Variants in KMT2C observed in about 807,000 individuals in gnomAD.
KMT2C encodes histone-lysine N-methyltransferase 2C.
KMT2C carries 88 observed loss-of-function variants against 507.9 expected under a neutral mutation model. That is an observed-to-expected ratio of 0.17 (90% CI 0.15 to 0.21). The LOEUF is 0.21. KMT2C is among the 10% of genes least tolerant of loss of function. The pLI, the probability that KMT2C is intolerant of heterozygous loss-of-function variation, is 1.00. For missense variants in KMT2C, 4,954 were observed against 5,957.8 expected, an observed-to-expected ratio of 0.83 and a Z score of 5.55; for synonymous variants, 2,049 against 2,080.8, an observed-to-expected ratio of 0.98 and a Z score of 0.42.
chr7:152,232,788 T>G (rs560293285), intron 16 of KMT2C, among the ~76,000 whole-genome samples: 54 of 152,260 alleles, frequency 3.5e-4, no homozygotes, highest in African/African-American at 1.2e-3. Context: ...AGAAATTAAG[T>G]GACTACTAAA....
intron 3 of KMT2C, among the ~76,000 whole-genome samples, chr7:152,317,913 G>A (rs1434441795): frequency 2.6e-5 from 4 of 152,106 alleles, no homozygotes; most frequent in African/African-American, 9.7e-5. Flanking sequence ...GGCCGAGACG[G>A]GCAGATCACA....
At chr7:152,227,323 A>G (rs1374131203) in intron 18 of KMT2C, among the ~76,000 whole-genome samples, 2 of 152,176 alleles carry the variant, frequency 1.3e-5, no homozygotes, top group African/African-American at 4.8e-5. Context: ...TTCAAATAAG[A>G]TGTCATCCAG....
rs1449723013 is a variant in KMT2C at position 152,297,279 on chromosome 7, C to T, written c.849+12687G>A. Among the ~76,000 whole-genome samples the T allele has an allele frequency of 2.0e-5, 3 of 152,136 alleles. 1 individual carries two copies. The highest frequency in any genetic ancestry group is 4.2e-4 in the South Asian group (2 of 4,816). ...GGCAACTGAGGCAAATCTCAGCTGA[C>T]TCCTGAGTTGGAAAGAGAAAGTTAA... On this transcript the variant is annotated intron_variant, in intron 6 of 58. Coordinates refer to ENST00000262189, the MANE Select transcript of KMT2C (RefSeq NM_170606.3).
chr7:152,367,792 T>C, intron 1 of KMT2C: 3 of 955,854 alleles, frequency 3.1e-6, no homozygotes, highest in South Asian at 2.6e-5. Context: ...GAATCACGAG[T>C]GAACAGACGT....
rs144253326 is a variant in KMT2C, at chr7:152,148,631, G to A, written c.13296C>T (p.Cys4432=). The part of the protein sequence containing the change: ...LDLDLWVHLN[C]ALWSTEVYET... ...CATAGACCTCCGTGGACCACAGAGCGCAGTTCAAGTGGACCCACAGATCCA... is the reference window on the plus strand; with the variant it reads ...CATAGACCTCCGTGGACCACAGAGCACAGTTCAAGTGGACCCACAGATCCA... Residue 4432 remains cysteine, a synonymous_variant, in exon 52 of 59, where the codon TGC becomes TGT. Transcript: ENST00000262189. The surrounding 1 kb of genome is among the most constrained non-coding windows in gnomAD (Gnocchi z 7.1). 8.4e-5 allele frequency: 136 copies of A among 1,614,040 alleles called. No homozygotes were observed. Among genetic ancestry groups the A allele is most frequent in the African/African-American group, 3.3e-4 (25 of 74,918 alleles).
At chr7:152,275,923 A>G (rs951755437) in intron 6 of KMT2C, among the ~76,000 whole-genome samples, 9 of 152,264 alleles carry the variant, frequency 5.9e-5, no homozygotes, top group African/African-American at 1.7e-4. Flanking sequence ...CAGATAAAAT[A>G]TAATGAGAGG....
chr7:152,297,051 A>AAGAG (rs1356233143), intron 6 of KMT2C, among the ~76,000 whole-genome samples: 16 of 60,272 alleles, frequency 2.7e-4, no homozygotes, highest in African/African-American at 4.1e-4. Context: ...GAAAGAAAGA[A>AAGAG]AGACAGAGAG....
chr7:152,276,248 G>A (rs1017204709), intron 6 of KMT2C, among the ~76,000 whole-genome samples: 2 of 152,152 alleles, frequency 1.3e-5, no homozygotes, highest in African/African-American at 2.4e-5. Flanking sequence ...AGTCTGGAAT[G>A]TATCTTCCTA....
chr7:152,367,933 A>C (rs1253110604), intron 1 of KMT2C: 1 of 980,062 alleles, frequency 1.0e-6, no homozygotes, highest in Non-Finnish European at 1.6e-6. Flanking sequence ...CTTATTGCCA[A>C]AGCAGACACA....
At chr7:152,265,415 C>T (rs1331742529) in intron 7 of KMT2C, among the ~76,000 whole-genome samples, 7 of 152,114 alleles carry the variant, frequency 4.6e-5, no homozygotes, top group African/African-American at 1.2e-4. Context: ...TAAATTTAAT[C>T]GTATAGTTTT....
At chr7:152,330,183 AAAAG>A (rs1481849753) in intron 3 of KMT2C, among the ~76,000 whole-genome samples, 1 of 135,320 alleles carries the variant, frequency 7.4e-6, no homozygotes, top group South Asian at 2.6e-4. Flanking sequence ...GGGGGGGAGA[AAAAG>A]AAAGAAAAAA....
At chr7:152,140,752 C>G (rs1284393646) in intron 55 of KMT2C, among the ~76,000 whole-genome samples, 1 of 152,156 alleles carries the variant, frequency 6.6e-6, no homozygotes, top group African/African-American at 2.4e-5. Flanking sequence ...TGAAGCACAT[C>G]CGGGAGCACA....
intron 23 of KMT2C, among the ~76,000 whole-genome samples, chr7:152,211,055 AT>A (rs2094444636): frequency 1.3e-5 from 2 of 152,168 alleles, no homozygotes; most frequent in African/African-American, 4.8e-5. Flanking sequence ...AACAAAACAG[AT>A]TTTAAAAATC....
At chr7:152,206,228 T>A (rs1257674775) in intron 24 of KMT2C, among the ~76,000 whole-genome samples, 5 of 152,212 alleles carry the variant, frequency 3.3e-5, no homozygotes, top group African/African-American at 1.2e-4. Context: ...TCTAGCAATT[T>A]ACTCCGTGAC....
intron 3 of KMT2C, among the ~76,000 whole-genome samples, chr7:152,329,949 T>C (rs959334254): frequency 6.6e-6 from 1 of 151,636 alleles, no homozygotes; most frequent in African/African-American, 2.4e-5. Context: ...ATCGAGACCA[T>C]CCTGGCCAAC....
chr7:152,329,586 A>C (rs114257730), intron 3 of KMT2C, among the ~76,000 whole-genome samples: 2,275 of 151,616 alleles, frequency 0.015, 63 homozygotes, highest in African/African-American at 0.053. Flanking sequence ...TAAAAAAAAA[A>C]AGAAAGGAAA....
chr7:152,182,877 T>A, intron 35 of KMT2C, 97 bp downstream of exon 35: 2 of 866,922 alleles, frequency 2.3e-6, no homozygotes, highest in Non-Finnish European at 3.5e-6. Flanking sequence ...CAAATTTTCA[T>A]GGTCTAAGAA....
intron 3 of KMT2C, 138 bp from the exon 4 acceptor site, chr7:152,315,476 T>A (rs1028250264): frequency 1.6e-5 from 10 of 610,770 alleles, no homozygotes; most frequent in Non-Finnish European, 2.9e-5. Flanking sequence ...TTCTACAGTC[T>A]ATTCAGTGAT....
chr7:152,167,549 G>A (rs1429149652), intron 41 of KMT2C, among the ~76,000 whole-genome samples, 171 bp from the exon 42 acceptor site: 3 of 152,158 alleles, frequency 2.0e-5, no homozygotes, highest in South Asian at 2.1e-4. Flanking sequence ...TCAGATTTTA[G>A]AAAAATATTT....
Sources: gnomAD v4.1 joint callset for allele counts (sites outside exome capture counted in the v4.1 genomes callset) on GRCh38, gnomAD v4.1.1 for gene constraint, Gnocchi (gnomAD v3.1) non-coding constraint, MANE v1.5 for transcripts, NCBI Gene and HGNC (gene_info 2026-07-23, HGNC 2026-07-21) for gene names.